Variants in EGFR observed in about 807,000 individuals in gnomAD.
EGFR encodes the protein epidermal growth factor receptor.
In EGFR, 58 loss-of-function variants were observed where a neutral mutation model predicts 143.0. The ratio of observed to expected loss-of-function variants is 0.41; its 90% CI spans 0.33 to 0.50. The LOEUF is 0.50. Ranked by LOEUF, EGFR falls within the 20% of genes least tolerant of loss-of-function variation. The pLI is 0.39. For synonymous variants in EGFR, 613 were observed against 594.4 expected, an observed-to-expected ratio of 1.03 and a Z score of -0.45; for missense variants, 1,307 against 1,579.0, an observed-to-expected ratio of 0.83 and a Z score of 2.92.
intron 15 of EGFR, among the ~76,000 whole-genome samples, 154 bp downstream of exon 15, chr7:55,165,591 C>T (rs767638302): frequency 2.0e-5 from 3 of 152,220 alleles, no homozygotes; most frequent in Non-Finnish European, 4.4e-5. Flanking sequence ...CCAGTAGCAA[C>T]TTGCTTGTGA....
chr7:55,168,456 A>T (rs1489450755), intron 15 of EGFR: 1 of 974,538 alleles, frequency 1.0e-6, no homozygotes, highest in East Asian at 2.4e-5. Context: ...GAAAGAGGGG[A>T]TTTAGTCAAG....
chr7:55,192,930 C>T (rs1011402240), intron 22 of EGFR, 89 bp downstream of exon 22: 17 of 1,136,608 alleles, frequency 1.5e-5, no homozygotes, highest in African/African-American at 6.1e-5. Context: ...CTCTGACATG[C>T]AAGTATTTTC....
At chr7:55,099,102 C>A (rs982586251) in intron 1 of EGFR, among the ~76,000 whole-genome samples, 2 of 152,230 alleles carry the variant, frequency 1.3e-5, no homozygotes, top group African/African-American at 4.8e-5. Flanking sequence ...AAACAGCCCT[C>A]TGTGTGCTCT....
At chr7:55,025,565 T>C (rs920770530) in intron 1 of EGFR, among the ~76,000 whole-genome samples, 2 of 152,154 alleles carry the variant, frequency 1.3e-5, no homozygotes, top group Non-Finnish European at 2.9e-5. Context: ...AGTGCTCAGA[T>C]GGAGAAGTCC....
At chr7:55,020,326 G>T (rs1044099552) in intron 1 of EGFR, among the ~76,000 whole-genome samples, 1 of 152,200 alleles carries the variant, frequency 6.6e-6, no homozygotes, top group Non-Finnish European at 1.5e-5. Context: ...GCAGCCCTTC[G>T]GTCGCGCCTG....
chr7:55,113,413 G>A (rs1207373636), intron 1 of EGFR, among the ~76,000 whole-genome samples: 1 of 151,982 alleles, frequency 6.6e-6, no homozygotes, highest in Non-Finnish European at 1.5e-5. Context: ...TTTTTCCCAG[G>A]TGAAATATAC....
intron 1 of EGFR, among the ~76,000 whole-genome samples, chr7:55,113,399 C>CT (rs1431859676): frequency 1.3e-5 from 2 of 152,160 alleles, no homozygotes; most frequent in Admixed American, 6.5e-5. Context: ...AAATTTCCTT[C>CT]TTTTTTTTCC....
chr7:55,122,978 G>A (rs1017939645), intron 1 of EGFR, among the ~76,000 whole-genome samples: 2 of 152,218 alleles, frequency 1.3e-5, no homozygotes, highest in Non-Finnish European at 2.9e-5. Flanking sequence ...GTTCACACTA[G>A]CACAGTGCAA....
rs202156403 is a variant in EGFR, at chr7:55,205,587, G to A, written c.3603G>A (p.Ala1201=). The change falls in exon 28 of 28, where the codon GCG becomes GCA. Residue 1201 remains alanine, a synonymous_variant. Coordinates refer to ENST00000275493, the MANE Select transcript of EGFR (RefSeq NM_005228.5). The part of the protein sequence containing the change: ...TAENAEYLRV[A]PQSSEFIGA ...AAAATGCAGAATACCTAAGGGTCGC[G>A]CCACAAAGCAGTGAATTTATTGGAG... 41 of 1,614,082 alleles carry A rather than the reference G, an allele frequency of 2.5e-5. No homozygotes were observed. In the South Asian group the frequency reaches 2.7e-4, roughly 11 times the overall value.
At chr7:55,025,404 G>A (rs749525330) in intron 1 of EGFR, among the ~76,000 whole-genome samples, 2 of 152,156 alleles carry the variant, frequency 1.3e-5, no homozygotes, top group Non-Finnish European at 2.9e-5. Context: ...TGACACCCAG[G>A]CTTCTCACTT....
At chr7:55,200,648 G>A (rs1787807197) in intron 24 of EGFR, 1 of 595,796 alleles carries the variant, frequency 1.7e-6, no homozygotes, top group East Asian at 2.9e-5. Context: ...CTCTCCTCTG[G>A]TGCTCGTCCT....
chr7:55,132,965 G>A (rs997386184), intron 1 of EGFR, among the ~76,000 whole-genome samples: 1 of 152,192 alleles, frequency 6.6e-6, no homozygotes, highest in African/African-American at 2.4e-5. Context: ...ATCTGGCCAC[G>A]GAGCTTCTCA....
At chr7:55,177,037 T>C (rs1448495806) in intron 19 of EGFR, among the ~76,000 whole-genome samples, 2 of 151,878 alleles carry the variant, frequency 1.3e-5, no homozygotes, top group African/African-American at 4.8e-5. Flanking sequence ...CCTCATCCCC[T>C]CTTCCCCCTC....
At chr7:55,178,967 C>CCTAG (rs1786727776) in intron 19 of EGFR, among the ~76,000 whole-genome samples, 1 of 152,160 alleles carries the variant, frequency 6.6e-6, no homozygotes, top group African/African-American at 2.4e-5. Flanking sequence ...CTAGATCTGC[C>CCTAG]CTAGTCCCTG....
Position 55,156,603 on chromosome 7 carries a change from C to CA in EGFR, c.1082dup (p.Asn361LysfsTer17). The CA allele has an allele frequency of 6.2e-7, 1 of 1,614,184 alleles. No homozygotes were observed. Among genetic ancestry groups the CA allele is most frequent in the Non-Finnish European group, 8.5e-7 (1 of 1,180,038 alleles). On this transcript the variant is annotated frameshift_variant, in exon 9 of 28. Transcript: ENST00000275493. LOFTEE classifies it high-confidence loss of function. ...TAAATGCTACGAATATTAAACACTT[C>CA]AAAAACTGCACCTCCATCAGTGGCG...
chr7:55,159,163 G>A (rs1228587494), intron 11 of EGFR, among the ~76,000 whole-genome samples: 3 of 152,148 alleles, frequency 2.0e-5, no homozygotes, highest in African/African-American at 4.8e-5. Context: ...CTGCATCATC[G>A]TGGTCCTGTA....
intron 23 of EGFR, among the ~76,000 whole-genome samples, chr7:55,199,619 G>T (rs1371052617): frequency 6.6e-6 from 1 of 152,246 alleles, no homozygotes; most frequent in Non-Finnish European, 1.5e-5. Flanking sequence ...AGCTTGATAT[G>T]CTGTGGATGG....
At chr7:55,070,754 T>G (rs559680006) in intron 1 of EGFR, among the ~76,000 whole-genome samples, 55 of 152,324 alleles carry the variant, frequency 3.6e-4, no homozygotes, top group Middle Eastern at 3.4e-3. Flanking sequence ...AAATCACACA[T>G]CCTAGAGCTT....
At chr7:55,121,357 G>A (rs1584092876) in intron 1 of EGFR, among the ~76,000 whole-genome samples, 1 of 152,334 alleles carries the variant, frequency 6.6e-6, no homozygotes, top group South Asian at 2.1e-4. Context: ...GGAGTCAATG[G>A]GAGCCCCGTG....
Sources: allele counts gnomAD v4.1 joint callset (sites outside exome capture counted in the v4.1 genomes callset), GRCh38; gene constraint gnomAD v4.1.1; transcripts MANE v1.5; gene names NCBI Gene and HGNC (gene_info 2026-07-23, HGNC 2026-07-21).